JAM2: variants seen among roughly 807,000 people sequenced by gnomAD.
The protein encoded by JAM2 is junctional adhesion molecule B.
A neutral mutation model predicts 42.0 loss-of-function variants in JAM2; 17 were observed. That is an observed-to-expected ratio of 0.40 (90% confidence interval 0.28 to 0.61). The LOEUF is 0.61. Ranked by LOEUF, JAM2 falls within the 20% of genes least tolerant of loss-of-function variation. JAM2 has a pLI of 0.37. For synonymous variants in JAM2, 118 were observed against 128.6 expected, an observed-to-expected ratio of 0.92 and a Z score of 0.56; for missense variants, 319 against 358.3, an observed-to-expected ratio of 0.89 and a Z score of 0.89.
At chr21:25,644,071 CTGA>C (rs1021427562) in intron 1 of JAM2, 3 of 152,176 alleles carry the variant, frequency 2.0e-5, no homozygotes, top group African/African-American at 7.2e-5. Context: ...TCTTGCTAGA[CTGA>C]TGTTTTGAGG....
intron 1 of JAM2, among the ~76,000 whole-genome samples, chr21:25,643,233 TA>T (rs745775247): frequency 2.0e-5 from 3 of 152,240 alleles, no homozygotes; most frequent in Non-Finnish European, 2.9e-5. Flanking sequence ...GGTGGAGTGT[TA>T]GATTTCTCTG....
chr21:25,714,472 T>C (rs2034443215), intron 9 of JAM2, 168 bp from the exon 10 acceptor site: 1 of 546,138 alleles, frequency 1.8e-6, no homozygotes, highest in Non-Finnish European at 3.0e-6. Flanking sequence ...CAGTCCAGCC[T>C]GGGTAACAGA....
At chr21:25,695,513 C>G (rs139560110) in intron 4 of JAM2, among the ~76,000 whole-genome samples, 81,595 of 151,474 alleles carry the variant, frequency 0.54, 22,948 homozygotes, top group African/African-American at 0.7. Flanking sequence ...ACGGGGCGGC[C>G]GCGGGGCAGA....
rs2034498544 is a variant in JAM2 at position 25,717,409 on chromosome 21, A to G, written c.*2737A>G. 3.0e-6 allele frequency: 1 copy of G among 331,776 alleles called. No individual in the cohort carries two copies. The highest frequency in any genetic ancestry group is 5.2e-5 in the East Asian group (1 of 19,252). The allele number at this position is 331,776 out of a possible 1,614,324, so 20.6% of individuals were successfully genotyped here. A position where few individuals can be genotyped will look rare whatever the true frequency, so the allele number is the denominator to read the frequency against. On this transcript the variant is annotated 3_prime_UTR_variant, in exon 10 of 10. Coordinates refer to ENST00000480456, the MANE Select transcript of JAM2 (RefSeq NM_021219.4). ...TATTAGCAAGCTTTGTTTTGTTTTAATTATTGTTGCTGTTGTAACTAGATT... is the reference window on the plus strand; with the variant it reads ...TATTAGCAAGCTTTGTTTTGTTTTAGTTATTGTTGCTGTTGTAACTAGATT...
At chr21:25,666,382 T>C (rs2033223361) in intron 1 of JAM2, among the ~76,000 whole-genome samples, 1 of 151,152 alleles carries the variant, frequency 6.6e-6, no homozygotes, top group South Asian at 2.1e-4. Context: ...TGGAGTGCAA[T>C]GGCGCGATCT....
At chr21:25,676,293 AAAAAAAAAAAGAAAAAG>A (rs1210022571) in intron 1 of JAM2, among the ~76,000 whole-genome samples, 1 of 146,000 alleles carries the variant, frequency 6.8e-6, no homozygotes, top group African/African-American at 2.5e-5. Context: ...TCTCAAAAAA[AAAAAAAAAAAGAAAAAG>A]AAAAAAAAAA....
At chr21:25,706,800 C>T (rs1226116955) in intron 7 of JAM2, among the ~76,000 whole-genome samples, 6 of 152,240 alleles carry the variant, frequency 3.9e-5, no homozygotes, top group Non-Finnish European at 7.4e-5. Flanking sequence ...AGTGCAGTAG[C>T]GCAATTTCGG....
intron 1 of JAM2, among the ~76,000 whole-genome samples, chr21:25,645,038 G>A (rs921107335): frequency 2.6e-5 from 4 of 152,112 alleles, no homozygotes; most frequent in Admixed American, 6.6e-5. Context: ...CCACCACCAC[G>A]CCCACCTAAC....
chr21:25,711,575 T>A (rs1388738170), intron 8 of JAM2: 1 of 346,454 alleles, frequency 2.9e-6, no homozygotes, highest in East Asian at 8.1e-5. Flanking sequence ...TCTCGTAAGA[T>A]CCTAATACAA....
rs552558805 is a variant in JAM2, at chr21:25,693,674, C to T, written c.242-82C>T. Reference sequence around the variant, plus strand: ...AAAAGGGAAATAAATGCTTTGGTTACTAAATGAACTGATTAGAGGAAGGTA... The same window carrying T: ...AAAAGGGAAATAAATGCTTTGGTTATTAAATGAACTGATTAGAGGAAGGTA... On this transcript the variant is annotated intron_variant, in intron 3 of 9. Coordinates refer to ENST00000480456, the MANE Select transcript of JAM2 (RefSeq NM_021219.4). The T allele has an allele frequency of 7.1e-6, 8 of 1,123,906 alleles. No individual in the cohort carries two copies. The South Asian group carries it at 1.0e-4, about 15-fold the overall frequency. 69.6% of individuals were successfully genotyped at this position (1,123,906 alleles called of 1,614,324 possible).
At chr21:25,672,952 G>A (rs939529624) in intron 1 of JAM2, among the ~76,000 whole-genome samples, 1 of 152,154 alleles carries the variant, frequency 6.6e-6, no homozygotes, top group Non-Finnish European at 1.5e-5. Flanking sequence ...ATTTTGGAAG[G>A]GGTATTTCCT....
chr21:25,676,330 T>C (rs1013248166), intron 1 of JAM2, among the ~76,000 whole-genome samples: 1 of 149,462 alleles, frequency 6.7e-6, no homozygotes, highest in South Asian at 2.1e-4. Flanking sequence ...AAACAACTTA[T>C]GTAACACTTC....
chr21:25,712,114 T>C (rs866900946), intron 8 of JAM2: 1 of 525,538 alleles, frequency 1.9e-6, no homozygotes, highest in Admixed American at 3.2e-5. Flanking sequence ...CAAGCTACAT[T>C]TACGTGCACA....
chr21:25,710,515 G>C (rs1164970434), intron 8 of JAM2, among the ~76,000 whole-genome samples: 1 of 152,184 alleles, frequency 6.6e-6, no homozygotes, highest in East Asian at 1.9e-4. Context: ...CTCACTAAGT[G>C]ATTTTTGAGA....
At chr21:25,646,560 C>G (rs1277731980) in intron 1 of JAM2, among the ~76,000 whole-genome samples, 1 of 149,248 alleles carries the variant, frequency 6.7e-6, no homozygotes, top group African/African-American at 2.5e-5. Context: ...ATGCATGCAT[C>G]GGGTGTGGGG....
chr21:25,658,693 AG>A (rs1270491811), intron 1 of JAM2, among the ~76,000 whole-genome samples: 1 of 152,178 alleles, frequency 6.6e-6, no homozygotes, highest in Non-Finnish European at 1.5e-5. Flanking sequence ...GGGTAACCTG[AG>A]GGGATTAAAA....
At chr21:25,642,913 G>A (rs1458000662) in intron 1 of JAM2, among the ~76,000 whole-genome samples, 2 of 152,210 alleles carry the variant, frequency 1.3e-5, no homozygotes, top group Non-Finnish European at 2.9e-5. Flanking sequence ...CAAGATACCA[G>A]CAAATTCAGT....
intron 5 of JAM2, 55 bp downstream of exon 5, chr21:25,698,934 T>G (rs760352574): frequency 1.7e-5 from 25 of 1,456,068 alleles, no homozygotes; most frequent in Non-Finnish European, 2.4e-5. Flanking sequence ...GATAAAAAAA[T>G]TATTAGAACT....
chr21:25,697,326 G>A (rs2034060982), intron 4 of JAM2, among the ~76,000 whole-genome samples: 1 of 152,082 alleles, frequency 6.6e-6, no homozygotes. Flanking sequence ...CTAGATTAGT[G>A]TTTGATTGAA....
Sources: gnomAD v4.1 joint callset for allele counts (sites outside exome capture counted in the v4.1 genomes callset) on GRCh38, gnomAD v4.1.1 for gene constraint, MANE v1.5 for transcripts, NCBI Gene and HGNC (gene_info 2026-07-23, HGNC 2026-07-21) for gene names.